DLG2: variants seen among roughly 807,000 people sequenced by gnomAD.
The protein encoded by DLG2 is discs large MAGUK scaffold protein 2.
Under a neutral mutation model 132.5 loss-of-function variants are expected in DLG2, and 45 were observed. That is an observed-to-expected ratio of 0.34 (90% CI 0.27 to 0.44). The LOEUF (loss-of-function observed/expected upper bound fraction) is 0.44. Among genes scored for constraint, DLG2 ranks in the 20% least tolerant of loss-of-function variants. DLG2 has a pLI of 1.00. For missense variants in DLG2, 1,045 were observed against 1,196.9 expected (o/e 0.87, Z 1.87); for synonymous variants, 424 against 419.6 (o/e 1.01, Z -0.13).
chr11:84,943,032 T>C (rs756483857), intron 6 of DLG2, among the ~76,000 whole-genome samples: 1 of 152,172 alleles, frequency 6.6e-6, no homozygotes, highest in Non-Finnish European at 1.5e-5. Flanking sequence ...GATACAAGTA[T>C]AGTGACTCCT....
At chr11:83,824,825 G>C (rs1006502264) in intron 17 of DLG2, among the ~76,000 whole-genome samples, 1 of 152,018 alleles carries the variant, frequency 6.6e-6, no homozygotes, top group South Asian at 2.1e-4. Context: ...AATCCTTTGA[G>C]TAGTGATATT....
chr11:83,783,700 A>G lies in DLG2; in HGVS notation c.1825+2990T>C, dbSNP rs150943522. 2.6e-4 allele frequency among the ~76,000 whole-genome samples: 39 copies of G among 152,132 alleles called. No homozygotes were observed. The East Asian group carries it at 7.4e-3, about 29-fold the overall frequency. On this transcript the variant is annotated intron_variant, in intron 18 of 27. Coordinates refer to ENST00000376104, the MANE Select transcript of DLG2 (RefSeq NM_001142699.3). ...GGTGTCTGCATGCATGGAACTCACA[A>G]TTTTGTAGTTTAGCAAGATATTCTT...
intron 3 of DLG2, among the ~76,000 whole-genome samples, chr11:85,314,330 T>C (rs541581509): frequency 6.6e-6 from 1 of 151,990 alleles, no homozygotes; most frequent in South Asian, 2.1e-4. Flanking sequence ...TTTAAAAATA[T>C]CAATAACTGT....
At chr11:83,718,831 C>G (rs2087543243) in intron 18 of DLG2, among the ~76,000 whole-genome samples, 1 of 152,130 alleles carries the variant, frequency 6.6e-6, no homozygotes, top group African/African-American at 2.4e-5. Flanking sequence ...CAACTGGGTT[C>G]TAATACACCG....
At chr11:83,651,105 T>C (rs910265134) in intron 18 of DLG2, among the ~76,000 whole-genome samples, 3 of 152,158 alleles carry the variant, frequency 2.0e-5, no homozygotes, top group African/African-American at 7.2e-5. Flanking sequence ...TAAAACTCTA[T>C]GGAGGAAGAC....
intron 8 of DLG2, among the ~76,000 whole-genome samples, chr11:84,196,644 T>G (rs932549479): frequency 1.3e-5 from 2 of 152,214 alleles, no homozygotes; most frequent in Admixed American, 6.5e-5. Flanking sequence ...TTTCAGTATA[T>G]GTGCCAGTAT....
chr11:85,266,755 T>C (rs2077237538), intron 4 of DLG2, among the ~76,000 whole-genome samples: 1 of 152,170 alleles, frequency 6.6e-6, no homozygotes, highest in Non-Finnish European at 1.5e-5. Flanking sequence ...AAGAAATAAT[T>C]TATTAAATAT....
intron 6 of DLG2, among the ~76,000 whole-genome samples, chr11:84,642,520 C>T (rs752643291): frequency 4.5e-4 from 68 of 152,040 alleles, no homozygotes; most frequent in Non-Finnish European, 8.2e-4. Context: ...GTACCAAGCA[C>T]CATATGAAGT....
chr11:83,519,345 A>G (rs151188243), intron 21 of DLG2, among the ~76,000 whole-genome samples: 1 of 152,220 alleles, frequency 6.6e-6, no homozygotes, highest in Admixed American at 6.5e-5. Flanking sequence ...TTAATGCTGT[A>G]ATTTTGAATT....
chr11:85,369,957 T>C (rs2084850106), intron 3 of DLG2, among the ~76,000 whole-genome samples: 2 of 152,230 alleles, frequency 1.3e-5, no homozygotes, highest in South Asian at 2.1e-4. Context: ...CCTTAAAGAT[T>C]ATTGGTAAAA....
At chr11:84,161,949 C>A (rs1038664299) in intron 9 of DLG2, among the ~76,000 whole-genome samples, 1 of 152,204 alleles carries the variant, frequency 6.6e-6, no homozygotes, top group South Asian at 2.1e-4. Flanking sequence ...TTTTAAAGAA[C>A]CCATCTGTCA....
intron 11 of DLG2, among the ~76,000 whole-genome samples, chr11:83,981,729 G>A (rs544110277): frequency 6.6e-5 from 10 of 152,188 alleles, no homozygotes; most frequent in Admixed American, 3.9e-4. Context: ...GAGCCACCAC[G>A]TCCTGCCAAA....
intron 3 of DLG2, among the ~76,000 whole-genome samples, chr11:85,589,560 A>G (rs996606337): frequency 6.6e-6 from 1 of 151,908 alleles, no homozygotes; most frequent in African/African-American, 2.4e-5. Context: ...GGGGTGTGGG[A>G]GGGGTGGTTC....
intron 3 of DLG2, among the ~76,000 whole-genome samples, chr11:85,398,803 A>T (rs1056903347): frequency 6.6e-6 from 1 of 152,200 alleles, no homozygotes; most frequent in Non-Finnish European, 1.5e-5. Flanking sequence ...TCACCAAAAA[A>T]AGTCCAGGAC....
chr11:85,144,565 T>A (rs1386248284), intron 5 of DLG2, among the ~76,000 whole-genome samples: 1 of 151,954 alleles, frequency 6.6e-6, no homozygotes, highest in African/African-American at 2.4e-5. Flanking sequence ...ATTTCTTGCT[T>A]TTACTTTTCT....
chr11:85,171,125 A>G (rs954536825), intron 4 of DLG2, among the ~76,000 whole-genome samples: 1 of 152,194 alleles, frequency 6.6e-6, no homozygotes, highest in African/African-American at 2.4e-5. Context: ...GCCAGATAAG[A>G]TAGCCAATTA....
chr11:84,671,847 T>C (rs1296107200), intron 6 of DLG2, among the ~76,000 whole-genome samples: 1 of 152,146 alleles, frequency 6.6e-6, no homozygotes, highest in Non-Finnish European at 1.5e-5. Context: ...TGGCTCCCAG[T>C]AAATTTGTGA....
chr11:83,912,165 TAA>T (rs200955995), intron 15 of DLG2, among the ~76,000 whole-genome samples: 4 of 50,138 alleles, frequency 8.0e-5, no homozygotes, highest in South Asian at 2.5e-3. Flanking sequence ...CAAAATTATA[TAA>T]AATTTTTGTC....
chr11:85,599,897 T>C (rs2080033538), intron 2 of DLG2, among the ~76,000 whole-genome samples: 1 of 152,252 alleles, frequency 6.6e-6, no homozygotes, highest in Non-Finnish European at 1.5e-5. Context: ...ACCTTTGTGT[T>C]TAGGTGATAA....
Sources: allele counts gnomAD v4.1 joint callset (sites outside exome capture counted in the v4.1 genomes callset), GRCh38; gene constraint gnomAD v4.1.1; transcripts MANE v1.5; gene names NCBI Gene and HGNC (gene_info 2026-07-23, HGNC 2026-07-21).